SYNE1: variants seen among roughly 807,000 people sequenced by gnomAD.
The protein encoded by SYNE1 is spectrin repeat containing nuclear envelope protein 1.
Under a neutral mutation model 1,111.0 loss-of-function variants are expected in SYNE1, and 616 were observed. The ratio of observed to expected loss-of-function variants is 0.55; its 90% CI spans 0.52 to 0.59. The LOEUF (loss-of-function observed/expected upper bound fraction) is 0.59, where lower values mean the gene tolerates loss of function less well. Ranked by LOEUF, SYNE1 falls within the 20% of genes least tolerant of loss-of-function variation. The pLI is 0.00. For missense variants in SYNE1, 10,006 were observed against 10,417.0 expected (o/e 0.96, Z 1.72); for synonymous variants, 3,855 against 3,825.8 (o/e 1.01, Z -0.28).
chr6:152,141,314 C>T lies in SYNE1; in HGVS notation c.25135G>A (p.Glu8379Lys), dbSNP rs531559372. 17 of 1,613,998 alleles carry T rather than the reference C, an allele frequency of 1.1e-5. No individual in the cohort carries two copies. Among genetic ancestry groups the T allele is most frequent in the East Asian group, 6.7e-5 (3 of 44,882 alleles). Residue 8379 changes from glutamate (E) to lysine (K), a missense_variant, in exon 139 of 146, where the codon GAA becomes AAA. Around this residue, in one of 7 missense-constraint regions of SYNE1, gnomAD observed 761 missense variants for 795.5 expected, o/e 0.96. Transcript: ENST00000367255. ...ACGGAGTCTATACTGCTACTGCATT[C>T]GCCCAGCAGTTTCATCTGTTTAGAC... ...SYKGYMKLLG[E>K]CSSSIDSVKR...
chr6:152,547,617 T>A (rs915151630), intron 3 of SYNE1, among the ~76,000 whole-genome samples: 1 of 152,158 alleles, frequency 6.6e-6, no homozygotes, highest in Non-Finnish European at 1.5e-5. Context: ...AAAAATAAGA[T>A]ATTTTCTTAT....
rs147508147 is a variant in SYNE1, at chr6:152,154,827, C to T, written c.24129+65G>A. On this transcript the variant is annotated intron_variant, in intron 133 of 145. Transcript: ENST00000367255. Reference sequence around the variant, plus strand: ...TGAACAGCTAGTTTAGGTCTTGGAACTCCAACTACCAGCTGGCTACTTTAA... The same window carrying T: ...TGAACAGCTAGTTTAGGTCTTGGAATTCCAACTACCAGCTGGCTACTTTAA... The T allele has an allele frequency of 9.5e-4, 1,511 of 1,587,642 alleles. 4 individuals are homozygous for T. The African/African-American group carries it at 0.011, about 11-fold the overall frequency.
chr6:152,595,797 G>A (rs1426843589), intron 3 of SYNE1, among the ~76,000 whole-genome samples: 3 of 152,076 alleles, frequency 2.0e-5, no homozygotes, highest in Non-Finnish European at 4.4e-5. Context: ...TAAACTTCAA[G>A]GTCACACAGC....
intron 11 of SYNE1, among the ~76,000 whole-genome samples, chr6:152,494,729 G>T (rs532270905): frequency 6.6e-6 from 1 of 152,096 alleles, no homozygotes; most frequent in Non-Finnish European, 1.5e-5. Context: ...GTCCTCCATC[G>T]TTAATGACTC....
At chr6:152,350,810 C>A (rs777791768) in intron 70 of SYNE1, 40 bp from the exon 71 acceptor site, 1 of 1,612,510 alleles carries the variant, frequency 6.2e-7, no homozygotes, top group Non-Finnish European at 8.5e-7. Context: ...TGCTCATCTC[C>A]GTGGACAAGA....
chr6:152,253,240 G>C (rs1256082926), intron 104 of SYNE1, among the ~76,000 whole-genome samples: 2 of 152,186 alleles, frequency 1.3e-5, no homozygotes, highest in African/African-American at 4.8e-5. Context: ...TATTCTTTGA[G>C]TAAAATCCTG....
In SYNE1 at chr6:152,234,747, C is replaced by T. The variant is rs201037542; in HGVS notation, c.20450G>A (p.Arg6817Gln). The change falls in exon 111 of 146, where the codon CGG becomes CAG. Residue 6817 changes from arginine (R) to glutamine (Q), a missense_variant. Around this residue, in one of 7 missense-constraint regions of SYNE1, gnomAD observed 2,182 missense variants for 2,287.8 expected, o/e 0.95. Coordinates refer to ENST00000367255, the MANE Select transcript of SYNE1 (RefSeq NM_182961.4). ...LIHWLQSAKD[R>Q]LEFWTQQSVT... Reference sequence around the variant, plus strand: ...AGATTGCTGAGTCCAAAATTCTAGCCGGTCTTTTGCAGATTGTAACCAGTG... The same window carrying T: ...AGATTGCTGAGTCCAAAATTCTAGCTGGTCTTTTGCAGATTGTAACCAGTG... 7.7e-5 allele frequency: 125 copies of T among 1,614,178 alleles called. No individual in the cohort carries two copies. The highest frequency in any genetic ancestry group is 9.7e-5 in the Non-Finnish European group (114 of 1,180,032).
At chr6:152,202,380 A>G (rs867612037) in intron 126 of SYNE1, among the ~76,000 whole-genome samples, 8,615 of 148,974 alleles carry the variant, frequency 0.058, 911 homozygotes, top group African/African-American at 0.21. Flanking sequence ...GCAAAAAAAA[A>G]AAAGAACAAA....
chr6:152,156,018 C>T lies in SYNE1; in HGVS notation c.23870G>A (p.Cys7957Tyr). ...LNLCEVLLHDCDACATDAECD... is the reference protein window; with the variant it reads ...LNLCEVLLHDYDACATDAECD... The stretch of plus-strand genomic sequence containing the variant: ...CTCGGCATCAGTGGCACAGGCGTCA[C>T]AGTCGTGCAGCAGGACTTCACACAG... The change falls in exon 132 of 146, where the codon TGT becomes TAT. Residue 7957 changes from cysteine (C) to tyrosine (Y), a missense_variant. Around this residue, in one of 7 missense-constraint regions of SYNE1, gnomAD observed 2,182 missense variants for 2,287.8 expected, o/e 0.95. Coordinates refer to ENST00000367255, the MANE Select transcript of SYNE1 (RefSeq NM_182961.4). The T allele has an allele frequency of 1.2e-6, 2 of 1,614,174 alleles. No individual in the cohort carries two copies. The highest frequency in any genetic ancestry group is 1.7e-6 in the Non-Finnish European group (2 of 1,180,028).
In SYNE1 at chr6:152,255,692, C is replaced by T. The variant is rs1562544316; in HGVS notation, c.19159G>A (p.Val6387Ile). ...TCCAACCAAGTAGAGGTGGCTGAGA[C>T]TCCATCATACAACTTCTGCTCCAAG... ...IHLEQKLYDG[V>I]SATSTWLDDV... Residue 6387 changes from valine to isoleucine, a missense_variant, in exon 103 of 146, where the codon GTC (valine) becomes ATC (isoleucine). Val to Ile is a conservative substitution (Grantham distance 29). Coordinates refer to ENST00000367255, the MANE Select transcript of SYNE1 (RefSeq NM_182961.4). 6.2e-7 allele frequency: 1 copy of T among 1,614,222 alleles called. No individual in the cohort carries two copies. Among genetic ancestry groups the T allele is most frequent in the Non-Finnish European group, 8.5e-7 (1 of 1,180,046 alleles).
At chr6:152,619,984 G>A (rs2128896143) in intron 3 of SYNE1, among the ~76,000 whole-genome samples, 1 of 152,258 alleles carries the variant, frequency 6.6e-6, no homozygotes, top group South Asian at 2.1e-4. Context: ...TGTGGGCAAT[G>A]CACAAAGCCA....
chr6:152,571,671 A>G (rs941706619), intron 3 of SYNE1, among the ~76,000 whole-genome samples: 1 of 152,188 alleles, frequency 6.6e-6, no homozygotes, highest in Non-Finnish European at 1.5e-5. Flanking sequence ...CCACAAAGAG[A>G]AAGAAAATGG....
At chr6:152,605,326 A>C (rs2099611924) in intron 3 of SYNE1, among the ~76,000 whole-genome samples, 1 of 152,112 alleles carries the variant, frequency 6.6e-6, no homozygotes, top group South Asian at 2.1e-4. Flanking sequence ...TAAATTATTA[A>C]ATAGCTAACT....
chr6:152,192,913 G>A (rs1174004008), intron 127 of SYNE1, among the ~76,000 whole-genome samples: 7 of 151,914 alleles, frequency 4.6e-5, no homozygotes. Flanking sequence ...CATTTGCATA[G>A]AATATCGTTT....
In SYNE1 at chr6:152,359,575, G is replaced by A. The variant is rs78531855; in HGVS notation, c.10300-117C>T. ...ACAAGTGACCTCAGGTTATTTATTC[G>A]TCCACTCCTCCATCATTTTATCTAT... is the stretch of plus-strand genomic sequence containing the variant. On this transcript the variant is annotated intron_variant, in intron 64 of 145. Coordinates refer to ENST00000367255, the MANE Select transcript of SYNE1 (RefSeq NM_182961.4). 80,899 of 1,254,980 alleles carry A rather than the reference G, an allele frequency of 0.064. 3,064 individuals carry two copies. Among genetic ancestry groups the A allele is most frequent in the Admixed American group, 0.081 (4,262 of 52,858 alleles). The allele number at this position is 1,254,980 out of a possible 1,614,324, so 77.7% of individuals were successfully genotyped here.
At position 152,206,181 on chromosome 6, in the gene SYNE1, G is replaced by C. The variant is rs1452906754; in HGVS notation, c.23006C>G (p.Ala7669Gly). ...MRLEEQKKKL[A>G]FLLKDWEKCE... ...AACTGAACTTACTTTCAACAAGAAG[G>C]CTAGTTTTTTCTTCTGTTCTTCCAG... Residue 7669 changes from alanine to glycine, a missense_variant, in exon 126 of 146, where the codon GCC becomes GGC. Around this residue, in one of 7 missense-constraint regions of SYNE1, gnomAD observed 2,182 missense variants for 2,287.8 expected, o/e 0.95. Coordinates refer to ENST00000367255, the MANE Select transcript of SYNE1 (RefSeq NM_182961.4). 14 of 1,613,422 alleles carry C rather than the reference G, an allele frequency of 8.7e-6. No homozygotes were observed. The highest frequency in any genetic ancestry group is 1.2e-5 in the Non-Finnish European group (14 of 1,179,988).
intron 83 of SYNE1, 137 bp from the exon 84 acceptor site, chr6:152,321,527 C>T: frequency 7.7e-7 from 1 of 1,290,752 alleles, no homozygotes; most frequent in Non-Finnish European, 1.1e-6. Context: ...GTTCTTTTGT[C>T]TCTGAATATA....
At position 152,391,367 on chromosome 6, in the gene SYNE1, G is replaced by A; in HGVS notation, c.7914C>T (p.Phe2638=). 1 of 1,614,082 alleles carries A rather than the reference G, an allele frequency of 6.2e-7. No individual in the cohort carries two copies. ...GTCTGTCCTGAATGGCCTTCACCCA[G>A]AACCACATGCTTTGCAGTGCTTCCT... ...ALEEALQSMW[F]WVKAIQDRLA... The change falls in exon 52 of 146, where the codon TTC becomes TTT. Residue 2638 remains phenylalanine (F), a synonymous_variant. Transcript: ENST00000367255.
At chr6:152,322,241 TAGAA>T (rs1413857281) in intron 82 of SYNE1, among the ~76,000 whole-genome samples, 3 of 152,140 alleles carry the variant, frequency 2.0e-5, no homozygotes, top group Non-Finnish European at 4.4e-5. Context: ...AGCTATCTAA[TAGAA>T]AGTAGTCTTT....
Sources: gnomAD v4.1 joint callset for allele counts (sites outside exome capture counted in the v4.1 genomes callset) on GRCh38, gnomAD v4.1.1 for gene constraint, gnomAD v4.1.1 regional missense constraint, MANE v1.5 for transcripts, NCBI Gene and HGNC (gene_info 2026-07-23, HGNC 2026-07-21) for gene names.